TUT7: variants seen among roughly 807,000 people sequenced by gnomAD.
TUT7 encodes terminal uridylyltransferase 7.
In TUT7, 33 loss-of-function variants were observed where a neutral mutation model predicts 165.9. The ratio of observed to expected loss-of-function variants is 0.20; its 90% CI spans 0.15 to 0.27. The LOEUF (loss-of-function observed/expected upper bound fraction) is 0.27, where lower values mean the gene tolerates loss of function less well. TUT7 is among the 10% of genes least tolerant of loss of function. The pLI is 1.00. For missense variants in TUT7, 1,338 were observed against 1,762.3 expected (o/e 0.76, Z 4.31); for synonymous variants, 552 against 608.1 (o/e 0.91, Z 1.36).
intron 6 of TUT7, among the ~76,000 whole-genome samples, chr9:86,342,725 T>C (rs933130283): frequency 2.0e-5 from 3 of 152,174 alleles, no homozygotes; most frequent in Non-Finnish European, 4.4e-5. Context: ...AGCTTGCAGA[T>C]CATAAATGTT....
At chr9:86,296,449 G>A (rs1396131551) in intron 26 of TUT7, among the ~76,000 whole-genome samples, 9 of 152,178 alleles carry the variant, frequency 5.9e-5, no homozygotes, top group African/African-American at 7.2e-5. Context: ...TAGAGGGGGA[G>A]GGAGGTAACA....
chr9:86,340,245 ACTTG>A, intron 7 of TUT7, 140 bp from the exon 8 acceptor site: 1 of 640,974 alleles, frequency 1.6e-6, no homozygotes, highest in African/African-American at 1.8e-5. Flanking sequence ...CTCTGCAATG[ACTTG>A]AAAAGGAAAA....
chr9:86,288,508 A>G lies in TUT7; in HGVS notation c.*169T>C. ...ATGTGTGGTAGATAAGACTATATTA[A>G]AAATTTTTCCTCATTAACAATTTCA... On this transcript the variant is annotated 3_prime_UTR_variant, in exon 27 of 27. Coordinates refer to ENST00000375963, the MANE Select transcript of TUT7 (RefSeq NM_024617.4). 2.1e-6 allele frequency: 1 copy of G among 486,080 alleles called. No individual in the cohort carries two copies. The allele number at this position is 486,080 out of a possible 1,614,324, so 30.1% of individuals were successfully genotyped here. A position where few individuals can be genotyped will look rare whatever the true frequency, so the allele number is the denominator to read the frequency against.
intron 9 of TUT7, 40 bp downstream of exon 9, chr9:86,338,783 A>G: frequency 1.3e-6 from 2 of 1,517,190 alleles, no homozygotes; most frequent in Non-Finnish European, 1.8e-6. Flanking sequence ...CTGCTTATAC[A>G]TATGTAGAAT....
chr9:86,346,591 T>G, intron 2 of TUT7, 111 bp from the exon 3 acceptor site: 1 of 1,113,958 alleles, frequency 9.0e-7, no homozygotes, highest in Non-Finnish European at 1.3e-6. Context: ...CACATCTGCA[T>G]GCAGAGCAGA....
At chr9:86,293,089 C>A (rs556147894) in intron 26 of TUT7, among the ~76,000 whole-genome samples, 1 of 152,170 alleles carries the variant, frequency 6.6e-6, no homozygotes, top group African/African-American at 2.4e-5. Context: ...AGAAACCATG[C>A]AAAAGTTGGC....
chr9:86,312,722 G>A (rs1828297787), intron 17 of TUT7, among the ~76,000 whole-genome samples: 2 of 152,218 alleles, frequency 1.3e-5, no homozygotes, highest in South Asian at 4.1e-4. Flanking sequence ...CCGTGTCTGT[G>A]TAGAAAGAGG....
intron 17 of TUT7, among the ~76,000 whole-genome samples, chr9:86,316,529 G>A (rs1828734615): frequency 6.6e-6 from 1 of 152,192 alleles, no homozygotes; most frequent in Non-Finnish European, 1.5e-5. Context: ...GCCCAGTCCG[G>A]GGTGCTTTCC....
chr9:86,305,153 G>A (rs1424302426), intron 23 of TUT7, 39 bp downstream of exon 23: 7 of 1,536,476 alleles, frequency 4.6e-6, no homozygotes, highest in East Asian at 2.3e-5. Context: ...AAATACATAA[G>A]TAAAATAAAA....
chr9:86,349,470 T>C (rs753758269), intron 2 of TUT7, among the ~76,000 whole-genome samples: 2 of 152,022 alleles, frequency 1.3e-5, no homozygotes, highest in East Asian at 1.9e-4. Flanking sequence ...TTAATGGCAA[T>C]GTCCCAAATA....
intron 18 of TUT7, among the ~76,000 whole-genome samples, chr9:86,310,422 G>C (rs1827940343): frequency 6.6e-6 from 1 of 151,384 alleles, no homozygotes; most frequent in South Asian, 2.1e-4. Context: ...TAGAAAATAA[G>C]GGCTGGTGAA....
At chr9:86,352,374 T>C (rs1410066561) in intron 2 of TUT7, among the ~76,000 whole-genome samples, 1 of 152,216 alleles carries the variant, frequency 6.6e-6, no homozygotes, top group African/African-American at 2.4e-5. Context: ...AATTACGATA[T>C]GGTCCCCTGG....
At chr9:86,320,152 C>T (rs912917617) in intron 14 of TUT7, among the ~76,000 whole-genome samples, 5 of 151,500 alleles carry the variant, frequency 3.3e-5, no homozygotes, top group East Asian at 1.9e-4. Context: ...ATCACCACCC[C>T]GCTAAAGTGT....
At chr9:86,349,679 T>G (rs1042233821) in intron 2 of TUT7, among the ~76,000 whole-genome samples, 3 of 152,232 alleles carry the variant, frequency 2.0e-5, no homozygotes, top group Admixed American at 1.3e-4. Context: ...ATCTCTTTAA[T>G]GAGATCCTTT....
intron 17 of TUT7, among the ~76,000 whole-genome samples, chr9:86,312,757 G>C (rs1232227948): frequency 2.6e-5 from 4 of 152,190 alleles, no homozygotes; most frequent in Non-Finnish European, 5.9e-5. Context: ...TTTTCATTTT[G>C]TTCTGTACTA....
intron 22 of TUT7, among the ~76,000 whole-genome samples, chr9:86,306,586 C>G (rs1827511851): frequency 6.6e-6 from 1 of 150,536 alleles, no homozygotes; most frequent in African/African-American, 2.4e-5. Flanking sequence ...GTGGGCTAAT[C>G]ACCTGAGGTC....
At chr9:86,309,021 G>A (rs1231621800) in intron 21 of TUT7, among the ~76,000 whole-genome samples, 191 bp downstream of exon 21, 6 of 152,144 alleles carry the variant, frequency 3.9e-5, no homozygotes, top group Non-Finnish European at 7.4e-5. Context: ...ACTGGATATA[G>A]GCCCTAGAAA....
intron 14 of TUT7, among the ~76,000 whole-genome samples, chr9:86,320,843 T>C (rs551497094): frequency 1.3e-5 from 2 of 152,156 alleles, no homozygotes; most frequent in Non-Finnish European, 2.9e-5. Context: ...ATCTTTCTTC[T>C]GGAAAAAAAT....
Position 86,317,265 on chromosome 9 carries a change from A to G in TUT7, c.3228T>C (p.Cys1076=). 6.2e-7 allele frequency: 1 copy of G among 1,613,890 alleles called. No individual in the cohort carries two copies. Among genetic ancestry groups the G allele is most frequent in the Non-Finnish European group, 8.5e-7 (1 of 1,179,840 alleles). The change falls in exon 17 of 27, where the codon TGT becomes TGC. Residue 1076 remains cysteine (C), a synonymous_variant. Coordinates refer to ENST00000375963, the MANE Select transcript of TUT7 (RefSeq NM_024617.4). ...NGLETAEGLD[C]VRTIEELARV... ...TTGCTAATTCTTCAATAGTTCTGAC[A>G]CAGTCCAATCCCTACAACAAAGAAG...
Sources: gnomAD v4.1 joint callset for allele counts (sites outside exome capture counted in the v4.1 genomes callset) on GRCh38, gnomAD v4.1.1 for gene constraint, MANE v1.5 for transcripts, NCBI Gene and HGNC (gene_info 2026-07-23, HGNC 2026-07-21) for gene names.